GABBR2: variants seen among roughly 807,000 people sequenced by gnomAD.
GABBR2 encodes gamma-aminobutyric acid type B receptor subunit 2, also known as G-protein coupled receptor 51.
In GABBR2, 23 loss-of-function variants were observed where a neutral mutation model predicts 105.6. That is an observed-to-expected ratio of 0.22 (90% CI 0.16 to 0.31). The LOEUF (loss-of-function observed/expected upper bound fraction) is 0.31. Ranked by LOEUF, GABBR2 falls within the 10% of genes least tolerant of loss-of-function variation. The pLI is 1.00. For synonymous variants in GABBR2, 478 were observed against 499.7 expected (o/e 0.96, Z 0.58); for missense variants, 734 against 1,245.5 (o/e 0.59, Z 6.18).
intron 3 of GABBR2, among the ~76,000 whole-genome samples, chr9:98,511,979 C>T (rs979153019): frequency 2.6e-5 from 4 of 152,174 alleles, no homozygotes; most frequent in African/African-American, 7.2e-5. Context: ...GACCAATATC[C>T]TTCATGAACA....
chr9:98,333,163 T>TA (rs1831057318), intron 13 of GABBR2, among the ~76,000 whole-genome samples: 1 of 152,126 alleles, frequency 6.6e-6, no homozygotes, highest in Non-Finnish European at 1.5e-5. Flanking sequence ...ATGCTCTGTA[T>TA]GAGGGCTAAC....
intron 1 of GABBR2, among the ~76,000 whole-genome samples, chr9:98,582,634 G>A (rs1829017747): frequency 6.6e-6 from 1 of 152,194 alleles, no homozygotes. Flanking sequence ...GAATGACACA[G>A]TATGGTTTTC....
chr9:98,410,128 T>G lies in GABBR2; in HGVS notation c.1237-3987A>C, dbSNP rs184117901. On this transcript the variant is annotated intron_variant, in intron 7 of 18. Coordinates refer to ENST00000259455, the MANE Select transcript of GABBR2 (RefSeq NM_005458.8). ...CCCCAGCTTGAGCTGGAATTTTTTT[T>G]TTTGGTTTCCCTCCCACAAAGGTTG... 4.0e-3 allele frequency among the ~76,000 whole-genome samples: 611 copies of G among 152,276 alleles called. 3 individuals are homozygous for G. The highest frequency in any genetic ancestry group is 7.1e-3 in the Non-Finnish European group (482 of 68,016).
rs1158239322 is a variant in GABBR2 at position 98,436,348 on chromosome 9, CATATATATATATATATATATAT to C, written c.1236+17611_1236+17632del. On this transcript the variant is annotated intron_variant, in intron 7 of 18. Coordinates refer to ENST00000259455, the MANE Select transcript of GABBR2 (RefSeq NM_005458.8). ...TATATATATACACACACACACACAC[CATATATATATATATATATATAT>C]ATATATATATATATATATATATATA... Among the ~76,000 whole-genome samples, 41 of 7,594 alleles carry C rather than the reference CATATATATATATATATATATAT, an allele frequency of 5.4e-3. 1 individual carries two copies. The highest frequency in any genetic ancestry group is 0.011 in the Admixed American group (6 of 560). 5.0% of individuals were successfully genotyped at this position (7,594 alleles called of 152,430 possible).
At chr9:98,340,506 T>G (rs1668660876) in intron 13 of GABBR2, among the ~76,000 whole-genome samples, 1 of 152,090 alleles carries the variant, frequency 6.6e-6, no homozygotes, top group Admixed American at 6.5e-5. Context: ...GTGATCCTCT[T>G]GCCTTGGCTT....
chr9:98,362,758 G>A lies in GABBR2; in HGVS notation c.1850C>T (p.Ala617Val), dbSNP rs1168841535. The change falls in exon 13 of 19, where the codon GCT becomes GTT. Residue 617 changes from alanine to valine, a missense_variant. Ala to Val is a moderately conservative substitution (Grantham distance 64). Around this residue, in one of 7 missense-constraint regions of GABBR2, gnomAD observed 52 missense variants for 81.3 expected, o/e 0.64. Coordinates refer to ENST00000259455, the MANE Select transcript of GABBR2 (RefSeq NM_005458.8). ...CACTGTCCTTCGCAGGGGGTCCACA[G>A]CCTGCCAGCAGATCAGGATACACAG... ...IDLCILICWQ[A>V]VDPLRRTVEK... 3 of 1,604,990 alleles carry A rather than the reference G, an allele frequency of 1.9e-6. No individual in the cohort carries two copies. Among genetic ancestry groups the A allele is most frequent in the Non-Finnish European group, 2.6e-6 (3 of 1,176,148 alleles).
intron 11 of GABBR2, among the ~76,000 whole-genome samples, chr9:98,384,494 G>A (rs972275903): frequency 2.0e-5 from 3 of 152,086 alleles, no homozygotes; most frequent in African/African-American, 7.2e-5. Flanking sequence ...GGAGGCTGAG[G>A]CAGGAGAATC....
At chr9:98,402,152 G>A (rs976100317) in intron 8 of GABBR2, among the ~76,000 whole-genome samples, 2 of 152,066 alleles carry the variant, frequency 1.3e-5, no homozygotes, top group South Asian at 2.1e-4. Flanking sequence ...ATCATTCCCC[G>A]AGATTCTTAC....
intron 13 of GABBR2, among the ~76,000 whole-genome samples, chr9:98,355,138 TAAC>T (rs1831463128): frequency 6.6e-6 from 1 of 151,958 alleles, no homozygotes; most frequent in Non-Finnish European, 1.5e-5. Flanking sequence ...ACAGAACACT[TAAC>T]AAATAAAGTC....
At chr9:98,596,793 G>A (rs1208976242) in intron 1 of GABBR2, among the ~76,000 whole-genome samples, 2 of 152,102 alleles carry the variant, frequency 1.3e-5, no homozygotes, top group African/African-American at 2.4e-5. Flanking sequence ...GTTTGGAGGG[G>A]CAGAGTCACA....
At chr9:98,526,147 A>T (rs758244524) in intron 3 of GABBR2, among the ~76,000 whole-genome samples, 1 of 152,202 alleles carries the variant, frequency 6.6e-6, no homozygotes, top group Non-Finnish European at 1.5e-5. Context: ...ACTTTATGGT[A>T]TGTGAATTTT....
At chr9:98,548,550 T>C (rs1019129646) in intron 2 of GABBR2, among the ~76,000 whole-genome samples, 2 of 116,130 alleles carry the variant, frequency 1.7e-5, no homozygotes, top group African/African-American at 5.5e-5. Context: ...AGGTTTTTTT[T>C]CCCCCTAGGA....
intron 1 of GABBR2, among the ~76,000 whole-genome samples, chr9:98,703,673 G>A (rs1830860116): frequency 6.6e-6 from 1 of 151,780 alleles, no homozygotes; most frequent in South Asian, 2.1e-4. Context: ...TTTATTTTAT[G>A]TAGAGACAGG....
At chr9:98,551,329 GGAA>G (rs1376711349) in intron 2 of GABBR2, among the ~76,000 whole-genome samples, 3 of 152,164 alleles carry the variant, frequency 2.0e-5, no homozygotes, top group Non-Finnish European at 2.9e-5. Flanking sequence ...CTTAAACCCA[GGAA>G]GAAGAGGTTG....
intron 1 of GABBR2, among the ~76,000 whole-genome samples, chr9:98,694,503 G>C (rs1830724546): frequency 6.6e-6 from 1 of 152,240 alleles, no homozygotes; most frequent in African/African-American, 2.4e-5. Context: ...GTTCCCTGAA[G>C]AACTGCTTTC....
intron 13 of GABBR2, among the ~76,000 whole-genome samples, chr9:98,328,364 G>A (rs1395075680): frequency 6.6e-6 from 1 of 152,162 alleles, no homozygotes; most frequent in Non-Finnish European, 1.5e-5. Flanking sequence ...TATTAGTGAC[G>A]TGGCTGATTT....
rs768785875 is a variant in GABBR2 at position 98,473,188 on chromosome 9, G to A, written c.957C>T (p.Phe319=). The change falls in exon 6 of 19, where the codon TTC becomes TTT. Residue 319 remains phenylalanine, a synonymous_variant. Transcript: ENST00000259455. The part of the protein sequence containing the change: ...AAMEGYIGVD[F]EPLSSKQIKT... ...TGATCTGCTTGGAGCTCAGGGGCTC[G>A]AAATCCACGCCAATGTAGCCCTCCA... 55 of 1,613,716 alleles carry A rather than the reference G, an allele frequency of 3.4e-5. No individual in the cohort carries two copies. Among genetic ancestry groups the A allele is most frequent in the Admixed American group, 1.0e-4 (6 of 59,976 alleles).
chr9:98,336,455 C>T (rs536354046), intron 13 of GABBR2, among the ~76,000 whole-genome samples: 1 of 152,284 alleles, frequency 6.6e-6, no homozygotes, highest in South Asian at 2.1e-4. Flanking sequence ...CCTATAATCC[C>T]AGCACTTTGG....
intron 3 of GABBR2, among the ~76,000 whole-genome samples, chr9:98,505,250 T>C (rs915254678): frequency 6.6e-6 from 1 of 152,240 alleles, no homozygotes; most frequent in African/African-American, 2.4e-5. Flanking sequence ...TGGAGCCACC[T>C]ACTTTTTAGA....
Sources: gnomAD v4.1 joint callset for allele counts (sites outside exome capture counted in the v4.1 genomes callset) on GRCh38, gnomAD v4.1.1 for gene constraint, gnomAD v4.1.1 regional missense constraint, MANE v1.5 for transcripts, NCBI Gene and HGNC (gene_info 2026-07-23, HGNC 2026-07-21) for gene names.